Variants in RAB3GAP2 observed in about 807,000 individuals in gnomAD.
RAB3GAP2 encodes the protein RAB3 GTPase activating non-catalytic protein subunit 2.
RAB3GAP2 carries 87 observed loss-of-function variants against 185.3 expected under a neutral mutation model. The observed-to-expected ratio is 0.47, with a 90% CI of 0.39 to 0.56. The LOEUF is 0.56. Ranked by LOEUF, RAB3GAP2 falls within the 20% of genes least tolerant of loss-of-function variation. RAB3GAP2 has a pLI of 0.00. For synonymous variants in RAB3GAP2, 554 were observed against 576.1 expected, an observed-to-expected ratio of 0.96 and a Z score of 0.55; for missense variants, 1,492 against 1,638.2, an observed-to-expected ratio of 0.91 and a Z score of 1.54.
chr1:220,223,206 T>C (rs1379658322), intron 2 of RAB3GAP2, among the ~76,000 whole-genome samples: 1 of 152,232 alleles, frequency 6.6e-6, no homozygotes, highest in South Asian at 2.1e-4. Context: ...ACATGTCACT[T>C]TGTCTGACCA....
At chr1:220,233,027 C>T (rs1237216174) in intron 1 of RAB3GAP2, among the ~76,000 whole-genome samples, 164 bp from the exon 2 acceptor site, 1 of 152,034 alleles carries the variant, frequency 6.6e-6, no homozygotes, top group African/African-American at 2.4e-5. Flanking sequence ...TATGTAATAA[C>T]AATCAGAAAA....
chr1:220,195,770 A>C (rs940789338), intron 10 of RAB3GAP2, among the ~76,000 whole-genome samples: 4 of 152,188 alleles, frequency 2.6e-5, no homozygotes, highest in Admixed American at 6.6e-5. Flanking sequence ...CATTTTTATA[A>C]AAGTAAAAAG....
chr1:220,237,813 G>A (rs1161171664), intron 1 of RAB3GAP2, among the ~76,000 whole-genome samples: 1 of 151,578 alleles, frequency 6.6e-6, no homozygotes, highest in East Asian at 1.9e-4. Flanking sequence ...ATCTTGAAGA[G>A]CACTGTCTAA....
intron 12 of RAB3GAP2, among the ~76,000 whole-genome samples, chr1:220,194,169 T>C (rs999471413): frequency 6.6e-6 from 1 of 152,104 alleles, no homozygotes; most frequent in Non-Finnish European, 1.5e-5. Flanking sequence ...ATGGTGGTAC[T>C]TTATATTAGG....
chr1:220,202,184 T>G (rs1658874446), intron 9 of RAB3GAP2, 92 bp downstream of exon 9: 2 of 1,330,334 alleles, frequency 1.5e-6, no homozygotes, highest in Non-Finnish European at 2.0e-6. Flanking sequence ...TAATAATAAA[T>G]AAAGAATAAA....
chr1:220,172,161 G>T lies in RAB3GAP2; in HGVS notation c.2417-112C>A. On this transcript the variant is annotated intron_variant, in intron 22 of 34. Coordinates refer to ENST00000358951, the MANE Select transcript of RAB3GAP2 (RefSeq NM_012414.4). The stretch of plus-strand genomic sequence containing the variant: ...CTAAGTTACCTACTGATGTGTTTTT[G>T]TATTTCTCAATGAAGTGGAAGTCTA... The T allele has an allele frequency of 2.8e-6, 3 of 1,056,180 alleles. No individual in the cohort carries two copies. The South Asian group carries it at 4.1e-5, about 15-fold the overall frequency. The allele number at this position is 1,056,180 out of a possible 1,614,324, so 65.4% of individuals were successfully genotyped here.
In RAB3GAP2 at chr1:220,154,030, T is replaced by G; in HGVS notation, c.3583A>C (p.Thr1195Pro). 1 of 1,613,390 alleles carries G rather than the reference T, an allele frequency of 6.2e-7. No individual in the cohort carries two copies. The highest frequency in any genetic ancestry group is 8.5e-7 in the Non-Finnish European group (1 of 1,179,744). Residue 1195 changes from threonine (T) to proline (P), a missense_variant, in exon 32 of 35, where the codon ACT becomes CCT. Thr to Pro is a conservative substitution (Grantham distance 38). Coordinates refer to ENST00000358951, the MANE Select transcript of RAB3GAP2 (RefSeq NM_012414.4). ...CCACTAGGTAATAACTGAATTGAAG[T>G]TAGGTCTTTGAAAAATGCATTTTTT... Reference protein sequence around the residue: ...KGKNAFFKDLTSIQLLPSGEM... With the variant: ...KGKNAFFKDLPSIQLLPSGEM...
chr1:220,214,948 A>ATATG (rs1553279020), intron 2 of RAB3GAP2, among the ~76,000 whole-genome samples: 3 of 115,042 alleles, frequency 2.6e-5, no homozygotes, highest in African/African-American at 1.2e-4. Flanking sequence ...TAGTAGCATT[A>ATATG]TATATATATA....
At chr1:220,206,059 A>G in intron 7 of RAB3GAP2, 53 bp from the exon 8 acceptor site, 1 of 1,137,704 alleles carries the variant, frequency 8.8e-7, no homozygotes, top group Non-Finnish European at 1.3e-6. Context: ...AAGCTTATCT[A>G]CTTTTTATTA....
chr1:220,191,206 G>T lies in RAB3GAP2; in HGVS notation c.1349C>A (p.Ser450Tyr). The T allele has an allele frequency of 1.9e-6, 3 of 1,613,936 alleles. No individual in the cohort carries two copies. The highest frequency in any genetic ancestry group is 2.5e-6 in the Non-Finnish European group (3 of 1,179,956). ...HERVPEKADF[S>Y]PFGNSQGPSR... ...TGGACCCTGAGAATTTCCAAAGGGG[G>T]AAAAATCTGCCTTTTCTGGCACTCT... Residue 450 changes from serine (S) to tyrosine (Y), a missense_variant, in exon 14 of 35, where the codon TCC (serine) becomes TAC (tyrosine). Ser to Tyr is a moderately radical substitution (Grantham distance 144). Transcript: ENST00000358951.
At chr1:220,208,587 A>G (rs544494176) in intron 7 of RAB3GAP2, among the ~76,000 whole-genome samples, 1 of 152,314 alleles carries the variant, frequency 6.6e-6, no homozygotes, top group Non-Finnish European at 1.5e-5. Flanking sequence ...TTTACTGCCA[A>G]TGTAGTCCCC....
At chr1:220,267,378 T>C in intron 1 of RAB3GAP2, 1 of 1,235,460 alleles carries the variant, frequency 8.1e-7, no homozygotes. Flanking sequence ...TTTCTACTTC[T>C]CTTCTGAGTT....
chr1:220,214,188 T>C (rs998606346), intron 2 of RAB3GAP2, among the ~76,000 whole-genome samples: 5 of 152,196 alleles, frequency 3.3e-5, no homozygotes, highest in African/African-American at 1.2e-4. Flanking sequence ...GTTTTGAATA[T>C]TAATGCAAAA....
intron 2 of RAB3GAP2, among the ~76,000 whole-genome samples, chr1:220,215,120 G>A (rs10863535): frequency 0.052 from 7,916 of 151,342 alleles, 710 homozygotes; most frequent in African/African-American, 0.18. Context: ...CCCGATATGC[G>A]TGGACATTTG....
chr1:220,155,161 A>G (rs989018063), intron 31 of RAB3GAP2, among the ~76,000 whole-genome samples: 1 of 152,276 alleles, frequency 6.6e-6, no homozygotes, highest in African/African-American at 2.4e-5. Flanking sequence ...TGTAATACAG[A>G]GCAAAGAACA....
At chr1:220,221,514 AAATG>A (rs1003260592) in intron 2 of RAB3GAP2, among the ~76,000 whole-genome samples, 1 of 152,190 alleles carries the variant, frequency 6.6e-6, no homozygotes, top group Admixed American at 6.5e-5. Flanking sequence ...ATAAAGGCAA[AAATG>A]AATGAATGAA....
chr1:220,172,566 T>C (rs898665977), intron 22 of RAB3GAP2, 71 bp downstream of exon 22: 2 of 1,009,304 alleles, frequency 2.0e-6, no homozygotes, highest in Admixed American at 3.4e-5. Flanking sequence ...AGGGATCCTA[T>C]CCACTCTCCC....
chr1:220,204,837 T>A (rs1440197603), intron 8 of RAB3GAP2, among the ~76,000 whole-genome samples: 5 of 149,554 alleles, frequency 3.3e-5, no homozygotes, highest in Admixed American at 6.7e-5. Context: ...ACATGCAGTG[T>A]TTGGTTTTTT....
chr1:220,177,405 C>A (rs1334632809), intron 21 of RAB3GAP2, among the ~76,000 whole-genome samples: 1 of 152,116 alleles, frequency 6.6e-6, no homozygotes. Flanking sequence ...ATGCACAATA[C>A]CATCGTACTA....
Sources: allele counts gnomAD v4.1 joint callset (sites outside exome capture counted in the v4.1 genomes callset), GRCh38; gene constraint gnomAD v4.1.1; transcripts MANE v1.5; gene names NCBI Gene and HGNC (gene_info 2026-07-23, HGNC 2026-07-21).